Variants in CDH18 observed in about 807,000 individuals in gnomAD.
CDH18 encodes cadherin 18, also known as cadherin-18.
Under a neutral mutation model 67.9 loss-of-function variants are expected in CDH18, and 31 were observed. The observed-to-expected ratio is 0.46, with a 90% CI of 0.34 to 0.62. CDH18 has a LOEUF of 0.62. Ranked by LOEUF, CDH18 falls within the 20% of genes least tolerant of loss-of-function variation. The pLI, the probability that CDH18 is intolerant of heterozygous loss-of-function variation, is 0.01. For synonymous variants in CDH18, 362 were observed against 347.2 expected, an observed-to-expected ratio of 1.04 and a Z score of -0.48; for missense variants, 890 against 975.5, an observed-to-expected ratio of 0.91 and a Z score of 1.17.
chr5:20,079,196 C>A (rs569431551), intron 2 of CDH18, among the ~76,000 whole-genome samples: 68 of 152,234 alleles, frequency 4.5e-4, no homozygotes, highest in Non-Finnish European at 9.3e-4. Flanking sequence ...CACCCACTGA[C>A]CAATATTTCC....
At chr5:20,054,947 T>C (rs1201824471) in intron 2 of CDH18, among the ~76,000 whole-genome samples, 3 of 152,174 alleles carry the variant, frequency 2.0e-5, no homozygotes, top group African/African-American at 7.2e-5. Context: ...ACAGGCTCCC[T>C]TGTAAGAAGC....
At chr5:19,944,869 G>A (rs988365651) in intron 2 of CDH18, among the ~76,000 whole-genome samples, 9 of 152,062 alleles carry the variant, frequency 5.9e-5, no homozygotes, top group Admixed American at 1.3e-4. Context: ...TTCAAGAAAC[G>A]GGATTGCAGT....
intron 1 of CDH18, among the ~76,000 whole-genome samples, chr5:20,255,773 C>T (rs16887901): frequency 0.038 from 5,819 of 151,766 alleles, 365 homozygotes; most frequent in African/African-American, 0.13. Flanking sequence ...TGTTCTTTGA[C>T]CTTGGTATGT....
intron 7 of CDH18, among the ~76,000 whole-genome samples, chr5:19,579,341 C>T (rs16885751): frequency 0.018 from 2,704 of 151,934 alleles, 86 homozygotes; most frequent in African/African-American, 0.062. Flanking sequence ...GATCCCATCA[C>T]TGTGGGTGCT....
chr5:19,848,164 T>C (rs1206617111), intron 2 of CDH18: 1 of 152,192 alleles, frequency 6.6e-6, no homozygotes, highest in Non-Finnish European at 1.5e-5. Context: ...TATTTAATTT[T>C]CTCATGAGCC....
intron 2 of CDH18, among the ~76,000 whole-genome samples, chr5:19,964,646 T>C (rs1484224125): frequency 1.8e-4 from 18 of 98,098 alleles, no homozygotes; most frequent in Admixed American, 4.0e-4. Flanking sequence ...AGGCCCTGTA[T>C]CAAAAAAAAA....
In CDH18 at chr5:19,802,044, A is replaced by G. The variant is rs970321686; in HGVS notation, c.228+36715T>C. ...ACAAGCATAACAATGACAATCCTAC[A>G]TTAAAAAGTAAAAAAAATTAGCATA... On this transcript the variant is annotated intron_variant, in intron 3 of 12. Transcript: ENST00000382275. 2.3e-4 allele frequency among the ~76,000 whole-genome samples: 35 copies of G among 152,346 alleles called. 1 individual carries two copies. The highest frequency in any genetic ancestry group is 7.7e-4 in the African/African-American group (32 of 41,576).
At chr5:19,892,702 G>A (rs1177473393) in intron 2 of CDH18, among the ~76,000 whole-genome samples, 5 of 152,038 alleles carry the variant, frequency 3.3e-5, no homozygotes, top group South Asian at 2.1e-4. Context: ...CAGATCACAC[G>A]GACATTCAAG....
chr5:19,883,376 C>T (rs1452484271), intron 2 of CDH18, among the ~76,000 whole-genome samples: 1 of 151,978 alleles, frequency 6.6e-6, no homozygotes, highest in Non-Finnish European at 1.5e-5. Flanking sequence ...AGTTTATACA[C>T]TGAAACCTAC....
chr5:19,767,452 A>G (rs925816064), intron 3 of CDH18, among the ~76,000 whole-genome samples: 20 of 152,254 alleles, frequency 1.3e-4, no homozygotes, highest in African/African-American at 4.6e-4. Context: ...ATAAAGTATC[A>G]GATGAGAAGT....
intron 2 of CDH18, among the ~76,000 whole-genome samples, chr5:20,108,151 G>C (rs1302984551): frequency 1.3e-5 from 2 of 152,050 alleles, no homozygotes; most frequent in African/African-American, 4.8e-5. Context: ...TGCAATCTCA[G>C]CTCACTGCAA....
At chr5:19,904,336 A>AAGGGAGGG (rs909368303) in intron 2 of CDH18, among the ~76,000 whole-genome samples, 1 of 125,432 alleles carries the variant, frequency 8.0e-6, no homozygotes, top group African/African-American at 2.9e-5. Context: ...AAAGAGAGAG[A>AAGGGAGGG]AGGGAGGGAG....
At chr5:19,854,253 TG>T (rs1784023730) in intron 2 of CDH18, among the ~76,000 whole-genome samples, 1 of 152,150 alleles carries the variant, frequency 6.6e-6, no homozygotes, top group Non-Finnish European at 1.5e-5. Flanking sequence ...TCTAAAGGTC[TG>T]ATATCTGATT....
intron 2 of CDH18, among the ~76,000 whole-genome samples, chr5:19,921,925 G>A (rs1792525015): frequency 6.6e-6 from 1 of 151,094 alleles, no homozygotes; most frequent in Non-Finnish European, 1.5e-5. Context: ...TTTTTTTTAA[G>A]TATAAAGGAT....
intron 1 of CDH18, among the ~76,000 whole-genome samples, chr5:20,333,467 A>G (rs1422276481): frequency 2.0e-5 from 3 of 149,478 alleles, no homozygotes; most frequent in African/African-American, 4.9e-5. Flanking sequence ...AGGTCGAGCC[A>G]CTGCACTCCA....
At chr5:20,327,121 G>C (rs978368091) in intron 1 of CDH18, among the ~76,000 whole-genome samples, 2 of 152,052 alleles carry the variant, frequency 1.3e-5, no homozygotes, top group Non-Finnish European at 2.9e-5. Context: ...TATATTTTTG[G>C]TAAAGATAGA....
chr5:20,428,462 TAATGGGATTGCTGGATCA>T (rs1451152883), intron 1 of CDH18, among the ~76,000 whole-genome samples: 1 of 152,224 alleles, frequency 6.6e-6, no homozygotes, highest in African/African-American at 2.4e-5. Flanking sequence ...ATAAACCCAG[TAATGGGATTGCTGGATCA>T]AATGATATTT....
intron 2 of CDH18, among the ~76,000 whole-genome samples, chr5:20,039,499 A>G (rs1171586711): frequency 1.3e-5 from 2 of 152,174 alleles, no homozygotes; most frequent in Non-Finnish European, 2.9e-5. Context: ...TAAAACAGAT[A>G]TATAGACCAA....
chr5:20,480,213 T>C (rs1752697183), intron 1 of CDH18, among the ~76,000 whole-genome samples: 3 of 152,120 alleles, frequency 2.0e-5, no homozygotes, highest in African/African-American at 7.2e-5. Flanking sequence ...ACACTGGCAA[T>C]AGTAAGTACA....
Sources: allele counts gnomAD v4.1 joint callset (sites outside exome capture counted in the v4.1 genomes callset), GRCh38; gene constraint gnomAD v4.1.1; transcripts MANE v1.5; gene names NCBI Gene and HGNC (gene_info 2026-07-23, HGNC 2026-07-21).